Variants in VRK1 observed in about 807,000 individuals in gnomAD.
VRK1 encodes the protein VRK serine/threonine kinase 1, also known as serine/threonine-protein kinase VRK1.
A neutral mutation model predicts 57.1 loss-of-function variants in VRK1; 33 were observed. The observed-to-expected ratio is 0.58, with a 90% CI of 0.44 to 0.77. VRK1 has a LOEUF of 0.77. Among genes scored for constraint, VRK1 ranks in the 30% least tolerant of loss-of-function variants. VRK1 has a pLI of 0.00. For synonymous variants in VRK1, 137 were observed against 147.8 expected, an observed-to-expected ratio of 0.93 and a Z score of 0.53; for missense variants, 413 against 477.3, an observed-to-expected ratio of 0.87 and a Z score of 1.25.
chr14:96,808,028 T>TCTCTCTCTCC (rs1566683662), intron 1 of VRK1, among the ~76,000 whole-genome samples: 1 of 83,576 alleles, frequency 1.2e-5, no homozygotes, highest in African/African-American at 4.4e-5. Flanking sequence ...TGTGTGTGTG[T>TCTCTCTCTCC]GTGTGTGTGT....
In VRK1 at chr14:96,846,276, T is replaced by C. The variant is rs533661976; in HGVS notation, c.286+112T>C. ...TTATGACTCTTTGTTATTTTTTTGC[T>C]TTATAAATTCCACTTACATGGGATT... On this transcript the variant is annotated intron_variant, in intron 4 of 12. Transcript: ENST00000216639. 80 of 1,097,444 alleles carry C rather than the reference T, an allele frequency of 7.3e-5. No homozygotes were observed. The South Asian group carries it at 1.1e-3, about 15-fold the overall frequency. The allele number at this position is 1,097,444 out of a possible 1,614,324, so 68.0% of individuals were successfully genotyped here. A position where few individuals can be genotyped will look rare whatever the true frequency, so the allele number is the denominator to read the frequency against.
intron 1 of VRK1, among the ~76,000 whole-genome samples, chr14:96,800,113 G>A (rs930247217): frequency 6.6e-6 from 1 of 152,034 alleles, no homozygotes; most frequent in South Asian, 2.1e-4. Flanking sequence ...AAAACATTTA[G>A]GTAGGTGTTG....
chr14:96,804,927 A>G (rs1405825117), intron 1 of VRK1, among the ~76,000 whole-genome samples: 2 of 152,184 alleles, frequency 1.3e-5, no homozygotes, highest in Non-Finnish European at 2.9e-5. Flanking sequence ...ACTGTTTCGT[A>G]TTTATGCTAC....
At chr14:96,870,463 A>G (rs1435130869) in intron 11 of VRK1, among the ~76,000 whole-genome samples, 2 of 152,218 alleles carry the variant, frequency 1.3e-5, no homozygotes, top group African/African-American at 4.8e-5. Context: ...ACATGAGTGA[A>G]GAGATGTGAC....
At chr14:96,817,120 ATGTTTAGG>A (rs1197099294) in intron 1 of VRK1, among the ~76,000 whole-genome samples, 2 of 152,228 alleles carry the variant, frequency 1.3e-5, no homozygotes, top group African/African-American at 4.8e-5. Flanking sequence ...AAATTAGCTG[ATGTTTAGG>A]TGGACACTCA....
chr14:96,841,283 CT>C (rs1178378602), intron 3 of VRK1, among the ~76,000 whole-genome samples: 1 of 152,114 alleles, frequency 6.6e-6, no homozygotes, highest in Non-Finnish European at 1.5e-5. Context: ...TGTAACTTTA[CT>C]TTTACTGCCT....
intron 1 of VRK1, among the ~76,000 whole-genome samples, chr14:96,800,073 ATTAAT>A (rs996110783): frequency 2.6e-4 from 39 of 152,054 alleles, no homozygotes; most frequent in African/African-American, 9.2e-4. Context: ...AAGGTACAAG[ATTAAT>A]TTAAAAGGGT....
At chr14:96,839,005 A>G (rs1207824003) in intron 3 of VRK1, among the ~76,000 whole-genome samples, 1 of 151,834 alleles carries the variant, frequency 6.6e-6, no homozygotes, top group Non-Finnish European at 1.5e-5. Context: ...CATTTCCATC[A>G]TACTAAAAAG....
At chr14:96,832,740 T>C (rs1887057196) in intron 1 of VRK1, among the ~76,000 whole-genome samples, 2 of 151,582 alleles carry the variant, frequency 1.3e-5, no homozygotes, top group African/African-American at 4.9e-5. Context: ...TTAGGAATTC[T>C]GGGTGTCACC....
chr14:96,870,008 TTAAA>T (rs1888754193), intron 11 of VRK1, among the ~76,000 whole-genome samples: 1 of 152,186 alleles, frequency 6.6e-6, no homozygotes. Flanking sequence ...TAGTATTATA[TTAAA>T]TAGTTTTCAA....
At chr14:96,877,460 C>CT (rs1006571419) in intron 12 of VRK1, 16 of 1,282,434 alleles carry the variant, frequency 1.2e-5, no homozygotes, top group African/African-American at 1.5e-5. Context: ...TCGCTACTGT[C>CT]TTTTTTCCTC....
At chr14:96,829,959 G>C (rs1886943372) in intron 1 of VRK1, among the ~76,000 whole-genome samples, 2 of 152,044 alleles carry the variant, frequency 1.3e-5, no homozygotes, top group African/African-American at 4.8e-5. Flanking sequence ...TTTCTATATT[G>C]ATAACACTTA....
At chr14:96,868,583 A>G (rs1380957525) in intron 11 of VRK1, among the ~76,000 whole-genome samples, 1 of 152,086 alleles carries the variant, frequency 6.6e-6, no homozygotes, top group Non-Finnish European at 1.5e-5. Flanking sequence ...CACACATACT[A>G]TTTTTTGATC....
intron 1 of VRK1, among the ~76,000 whole-genome samples, chr14:96,803,221 G>A (rs1885735047): frequency 6.6e-6 from 1 of 150,416 alleles, no homozygotes; most frequent in African/African-American, 2.5e-5. Flanking sequence ...CCCCAGGCTG[G>A]AGTGCAATGG....
At chr14:96,819,585 C>G (rs1247513228) in intron 1 of VRK1, among the ~76,000 whole-genome samples, 1 of 152,146 alleles carries the variant, frequency 6.6e-6, no homozygotes, top group African/African-American at 2.4e-5. Context: ...TAGGCTCAAA[C>G]ACATCTTTAT....
chr14:96,877,529 A>G (rs1566722651), intron 12 of VRK1: 2 of 1,289,504 alleles, frequency 1.6e-6, no homozygotes, highest in Non-Finnish European at 2.0e-6. Flanking sequence ...GGAGCAATAC[A>G]TCGAAGCATG....
chr14:96,833,621 T>C lies in VRK1; in HGVS notation c.150T>C (p.Cys50=), dbSNP rs747562164. The change falls in exon 2 of 13, where the codon TGT becomes TGC. Residue 50 remains cysteine, a synonymous_variant. Transcript: ENST00000216639. The part of the protein sequence containing the change: ...GLPIGQGGFG[C]IYLADMNSSE... ...CCATTGGCCAAGGAGGCTTTGGCTG[T>C]ATATATCTTGGTAAGTGTGTGACTG... is the stretch of plus-strand genomic sequence containing the variant. 2 of 1,613,662 alleles carry C rather than the reference T, an allele frequency of 1.2e-6. No homozygotes were observed. Among genetic ancestry groups the C allele is most frequent in the Non-Finnish European group, 1.7e-6 (2 of 1,179,620 alleles).
At chr14:96,865,756 C>T (rs2139825455) in intron 11 of VRK1, among the ~76,000 whole-genome samples, 1 of 146,658 alleles carries the variant, frequency 6.8e-6, no homozygotes, top group South Asian at 2.2e-4. Flanking sequence ...CTGCTTAATT[C>T]TTCTGTTTTT....
intron 12 of VRK1, 84 bp from the exon 13 acceptor site, chr14:96,881,091 CTA>C: frequency 1.0e-6 from 1 of 1,000,678 alleles, no homozygotes; most frequent in Non-Finnish European, 1.5e-6. Flanking sequence ...ATGTTAATAA[CTA>C]TATTTAGGGA....
Sources: gnomAD v4.1 joint callset for allele counts (sites outside exome capture counted in the v4.1 genomes callset) on GRCh38, gnomAD v4.1.1 for gene constraint, MANE v1.5 for transcripts, NCBI Gene and HGNC (gene_info 2026-07-23, HGNC 2026-07-21) for gene names.